The following TMEM17 variants were observed in gnomAD, a reference collection of about 807,000 sequenced individuals.
TMEM17 encodes transmembrane protein 17.
Under a neutral mutation model 19.1 loss-of-function variants are expected in TMEM17, and 15 were observed. The ratio of observed to expected loss-of-function variants is 0.78; its 90% CI spans 0.52 to 1.21. TMEM17 has a LOEUF of 1.21. Among genes scored for constraint, TMEM17 ranks in the 50% most tolerant of loss-of-function variants. The pLI is 0.00. For synonymous variants in TMEM17, 103 were observed against 86.9 expected (o/e 1.19, Z -1.03); for missense variants, 245 against 242.3 (o/e 1.01, Z -0.07).
downstream of TMEM17, among the ~76,000 whole-genome samples, chr2:62,496,867 G>A (rs1297159345): frequency 6.6e-6 from 1 of 152,194 alleles, no homozygotes; most frequent in Non-Finnish European, 1.5e-5. Context: ...GGAGGCTGAG[G>A]CAGAATGATC....
the TMEM17 span, among the ~76,000 whole-genome samples, chr2:62,481,773 C>T: frequency 1.3e-5 from 2 of 149,630 alleles, no homozygotes; most frequent in Non-Finnish European, 3.0e-5. Context: ...ATTATGGGAG[C>T]TGGTTAAAGA....
chr2:62,481,789 C>A, the TMEM17 span, among the ~76,000 whole-genome samples: 1 of 149,882 alleles, frequency 6.7e-6, no homozygotes, highest in Admixed American at 6.7e-5. Flanking sequence ...AAAGAGTCTG[C>A]GAGGCTATCG....
At chr2:62,471,746 G>C in the TMEM17 span, among the ~76,000 whole-genome samples, 6 of 152,260 alleles carry the variant, frequency 3.9e-5, no homozygotes, top group African/African-American at 1.4e-4. Flanking sequence ...CAGGGGGCAA[G>C]GCTGAGGCTG....
the TMEM17 span, among the ~76,000 whole-genome samples, chr2:62,488,493 GAAA>G: frequency 8.4e-6 from 1 of 119,204 alleles, no homozygotes; most frequent in Non-Finnish European, 1.8e-5. Flanking sequence ...GATGAGTTTT[GAAA>G]AAAAAAAAAA....
chr2:62,502,347 C>T (rs1396774455), intron 3 of TMEM17, 90 bp downstream of exon 3: 3 of 803,630 alleles, frequency 3.7e-6, no homozygotes, highest in Non-Finnish European at 6.0e-6. Flanking sequence ...CAGGCCTGTG[C>T]TCTTTCTGCC....
chr2:62,490,035 G>A, the TMEM17 span, among the ~76,000 whole-genome samples: 1 of 152,000 alleles, frequency 6.6e-6, no homozygotes, highest in African/African-American at 2.4e-5. Context: ...AATTAGCTGG[G>A]TGTGGTAGTA....
the TMEM17 span, among the ~76,000 whole-genome samples, chr2:62,476,681 A>G: frequency 3.3e-5 from 5 of 152,242 alleles, no homozygotes; most frequent in African/African-American, 1.2e-4. Flanking sequence ...AAGAGCAAGA[A>G]TGGTATCCAA....
At chr2:62,458,912 A>G in the TMEM17 span, among the ~76,000 whole-genome samples, 1 of 152,220 alleles carries the variant, frequency 6.6e-6, no homozygotes, top group Non-Finnish European at 1.5e-5. Context: ...GAGAAACTAA[A>G]TTCTGGTTTT....
the TMEM17 span, among the ~76,000 whole-genome samples, chr2:62,461,630 A>G: frequency 6.6e-6 from 1 of 152,176 alleles, no homozygotes; most frequent in Non-Finnish European, 1.5e-5. Context: ...AGGACTAAGG[A>G]TGGCCCAGAA....
chr2:62,502,365 A>T, intron 3 of TMEM17, 72 bp downstream of exon 3: 1 of 1,039,738 alleles, frequency 9.6e-7, no homozygotes. Flanking sequence ...GCCACACCTC[A>T]CTGCCTTTTA....
At position 62,503,782 on chromosome 2, in the gene TMEM17, C is replaced by T. The variant is rs79945928; in HGVS notation, c.101-988G>A. Among the ~76,000 whole-genome samples, 13 of 152,300 alleles carry T rather than the reference C, an allele frequency of 8.5e-5. No homozygotes were observed. In the East Asian group the frequency reaches 1.2e-3, roughly 14 times the overall value. ...ATAGAATCTAGCATCTTGCTTTCCA[C>T]GCAGTGAATATCAAATACACATAAG... is the stretch of plus-strand genomic sequence containing the variant. On this transcript the variant is annotated intron_variant, in intron 1 of 3. Coordinates refer to ENST00000335390, the MANE Select transcript of TMEM17 (RefSeq NM_198276.3).
chr2:62,460,124 C>T, the TMEM17 span, among the ~76,000 whole-genome samples: 1 of 152,204 alleles, frequency 6.6e-6, no homozygotes, highest in Non-Finnish European at 1.5e-5. Context: ...TAGATAGTTA[C>T]ATATAATTAA....
chr2:62,482,976 G>A, the TMEM17 span, among the ~76,000 whole-genome samples: 1 of 152,224 alleles, frequency 6.6e-6, no homozygotes, highest in African/African-American at 2.4e-5. Flanking sequence ...TGCATGGGGA[G>A]CAGACCCCTT....
the TMEM17 span, among the ~76,000 whole-genome samples, chr2:62,477,399 A>AACAC: frequency 6.6e-6 from 1 of 151,434 alleles, no homozygotes; most frequent in Non-Finnish European, 1.5e-5. Flanking sequence ...TCCGTCTCAA[A>AACAC]ACAAACAAAA....
chr2:62,467,883 CTTTTTTTTT>C, the TMEM17 span, among the ~76,000 whole-genome samples: 1 of 135,094 alleles, frequency 7.4e-6, no homozygotes, highest in East Asian at 2.2e-4. Context: ...GCCATCTCTC[CTTTTTTTTT>C]TTTTTTTTTC....
chr2:62,505,936 C>T (rs1458688961), intron 1 of TMEM17, 94 bp downstream of exon 1: 11 of 1,190,622 alleles, frequency 9.2e-6, no homozygotes, highest in Admixed American at 2.2e-5. Context: ...AAGGCGACAT[C>T]GCCATTTTAG....
the TMEM17 span, chr2:62,463,378 C>T: frequency 3.7e-4 from 57 of 152,246 alleles, no homozygotes; most frequent in African/African-American, 1.3e-3. Context: ...CAGGGACCCT[C>T]GTAAAATACA....
chr2:62,501,077 C>T lies in TMEM17; in HGVS notation c.*132G>A. On this transcript the variant is annotated 3_prime_UTR_variant, in exon 4 of 4. Coordinates refer to ENST00000335390, the MANE Select transcript of TMEM17 (RefSeq NM_198276.3). ...TACAAAGTTTCATCATTGCCCCCAA[C>T]CTTGGAATTTCAGAGTGAGAGCATA... The T allele has an allele frequency of 9.5e-7, 1 of 1,048,102 alleles. No homozygotes were observed. Among genetic ancestry groups the T allele is most frequent in the Non-Finnish European group, 1.4e-6 (1 of 728,252 alleles). 64.9% of individuals were successfully genotyped at this position (1,048,102 alleles called of 1,614,324 possible).
chr2:62,470,273 CA>C, the TMEM17 span, among the ~76,000 whole-genome samples: 720 of 152,302 alleles, frequency 4.7e-3, 4 homozygotes, highest in African/African-American at 0.017. Context: ...GTTCCTCTTC[CA>C]AATCACAGGA....
Sources: allele counts gnomAD v4.1 joint callset (sites outside exome capture counted in the v4.1 genomes callset), GRCh38; gene constraint gnomAD v4.1.1; transcripts MANE v1.5; gene names NCBI Gene and HGNC (gene_info 2026-07-23, HGNC 2026-07-21).